ANAPC10: variants seen among roughly 807,000 people sequenced by gnomAD.
The protein encoded by ANAPC10 is anaphase promoting complex subunit 10.
ANAPC10 carries 12 observed loss-of-function variants against 22.0 expected under a neutral mutation model. That is an observed-to-expected ratio of 0.55 (90% confidence interval 0.35 to 0.88). The LOEUF (loss-of-function observed/expected upper bound fraction) is 0.88, where lower values mean the gene tolerates loss of function less well. ANAPC10 is among the 40% of genes least tolerant of loss of function. The pLI, the probability that ANAPC10 is intolerant of heterozygous loss-of-function variation, is 0.01. For synonymous variants in ANAPC10, 65 were observed against 69.5 expected (o/e 0.94, Z 0.32); for missense variants, 188 against 220.9 (o/e 0.85, Z 0.94).
rs375508323 is a variant in ANAPC10, at chr4:145,007,933, C to T, written c.328-12330G>A. On this transcript the variant is annotated intron_variant, in intron 4 of 4. Coordinates refer to ENST00000507656, the MANE Select transcript of ANAPC10 (RefSeq NM_001256706.2). ...GAAAAGATCAACAAAATTGATAGAC[C>T]GCTAGCAAGACTAATAAAGAAGAAA... Among the ~76,000 whole-genome samples, 147 of 149,650 alleles carry T rather than the reference C, an allele frequency of 9.8e-4. 2 individuals carry two copies. The East Asian group carries it at 0.018, about 18-fold the overall frequency.
At chr4:145,083,203 G>A (rs910538637) in intron 2 of ANAPC10, among the ~76,000 whole-genome samples, 1 of 151,938 alleles carries the variant, frequency 6.6e-6, no homozygotes, top group Non-Finnish European at 1.5e-5. Context: ...TGTGCCAGGC[G>A]CATTCTAAAC....
Position 145,093,297 on chromosome 4 carries a change from G to A in ANAPC10, c.115+2688C>T, listed in dbSNP as rs563856015. On this transcript the variant is annotated intron_variant, in intron 2 of 4. Transcript: ENST00000507656. The stretch of plus-strand genomic sequence containing the variant: ...CTGTGAGACACTGAAGGTAACCATA[G>A]CAATAACAAAACTCAAACTCAGCTC... Among the ~76,000 whole-genome samples the A allele has an allele frequency of 4.6e-5, 7 of 152,268 alleles. No homozygotes were observed. In the East Asian group the frequency reaches 1.2e-3, roughly 25 times the overall value.
intron 2 of ANAPC10, among the ~76,000 whole-genome samples, chr4:145,090,092 C>A (rs767586354): frequency 1.3e-5 from 2 of 152,102 alleles, no homozygotes; most frequent in Non-Finnish European, 2.9e-5. Flanking sequence ...AAGTTGTATA[C>A]CTCTGCACAT....
intron 4 of ANAPC10, among the ~76,000 whole-genome samples, chr4:145,032,076 C>T (rs927822948): frequency 2.6e-5 from 4 of 152,180 alleles, no homozygotes; most frequent in Admixed American, 2.6e-4. Flanking sequence ...CATCTCTCCC[C>T]CAGCCTGCAC....
chr4:145,081,127 GATA>G (rs1745952572), intron 3 of ANAPC10, among the ~76,000 whole-genome samples: 1 of 150,258 alleles, frequency 6.7e-6, no homozygotes, highest in South Asian at 2.1e-4. Flanking sequence ...TTAAAAATCT[GATA>G]ATAAATACAT....
intron 4 of ANAPC10, among the ~76,000 whole-genome samples, chr4:145,007,803 A>G (rs1231988743): frequency 6.6e-6 from 1 of 152,090 alleles, no homozygotes; most frequent in Non-Finnish European, 1.5e-5. Context: ...AGAAGCTAGC[A>G]GAAGGCAAGA....
chr4:145,055,840 C>T (rs1249413042), intron 4 of ANAPC10, among the ~76,000 whole-genome samples: 4 of 152,112 alleles, frequency 2.6e-5, no homozygotes, highest in Non-Finnish European at 4.4e-5. Context: ...GTATTCATAA[C>T]CACGTGAATA....
intron 4 of ANAPC10, among the ~76,000 whole-genome samples, chr4:144,997,225 G>A (rs1031996462): frequency 1.3e-5 from 2 of 152,092 alleles, no homozygotes; most frequent in African/African-American, 2.4e-5. Flanking sequence ...TTAAATTCAG[G>A]AAATACAGAG....
At chr4:145,046,434 CACAA>C (rs1395981488) in intron 4 of ANAPC10, among the ~76,000 whole-genome samples, 5 of 152,066 alleles carry the variant, frequency 3.3e-5, no homozygotes, top group South Asian at 2.1e-4. Flanking sequence ...ATTCCATAAG[CACAA>C]ACAATTTCAA....
At position 145,098,169 on chromosome 4, in the gene ANAPC10, G is replaced by A. The variant is rs769310336; in HGVS notation, c.-62C>T. On this transcript the variant is annotated 5_prime_UTR_variant, in exon 1 of 5. Coordinates refer to ENST00000507656, the MANE Select transcript of ANAPC10 (RefSeq NM_001256706.2). ...GAAACTCAGATTCTCGGCACCTCCAGCAGCTGGCTTCGCCAACGGCGTTGA... is the reference window on the plus strand; with the variant it reads ...GAAACTCAGATTCTCGGCACCTCCAACAGCTGGCTTCGCCAACGGCGTTGA... The A allele has an allele frequency of 2.0e-5, 3 of 152,660 alleles. No individual in the cohort carries two copies. The highest frequency in any genetic ancestry group is 2.9e-5 in the Non-Finnish European group (2 of 68,378). The allele number at this position is 152,660 out of a possible 1,614,324, so 9.5% of individuals were successfully genotyped here.
At chr4:145,078,209 G>A (rs1745460884) in intron 3 of ANAPC10, among the ~76,000 whole-genome samples, 1 of 151,478 alleles carries the variant, frequency 6.6e-6, no homozygotes, top group Non-Finnish European at 1.5e-5. Context: ...AAAATCAATA[G>A]CATTTCTATA....
chr4:145,038,265 C>A (rs375085916), intron 4 of ANAPC10, among the ~76,000 whole-genome samples: 65 of 152,284 alleles, frequency 4.3e-4, no homozygotes, highest in African/African-American at 1.5e-3. Context: ...ATAATCCTCG[C>A]ACTTTGGGAG....
At chr4:145,076,223 CTG>C (rs1210275848) in intron 3 of ANAPC10, among the ~76,000 whole-genome samples, 6 of 152,190 alleles carry the variant, frequency 3.9e-5, no homozygotes, top group Non-Finnish European at 5.9e-5. Flanking sequence ...ACTGGAAACA[CTG>C]TGGCCCCTCC....
At chr4:145,060,019 C>A (rs923582015) in intron 4 of ANAPC10, among the ~76,000 whole-genome samples, 29 of 152,068 alleles carry the variant, frequency 1.9e-4, no homozygotes, top group African/African-American at 6.8e-4. Context: ...AGTAACCCAA[C>A]TGAGATGAAG....
chr4:145,019,000 G>A lies in ANAPC10; in HGVS notation c.328-23397C>T, dbSNP rs115048927. ...AGATAGACAGCAACACCATAACAGT[G>A]GGGGACTTAAATACTCCACTGACAG... is the stretch of plus-strand genomic sequence containing the variant. On this transcript the variant is annotated intron_variant, in intron 4 of 4. Transcript: ENST00000507656. 3.8e-3 allele frequency among the ~76,000 whole-genome samples: 574 copies of A among 152,180 alleles called. 4 individuals are homozygous for A. Among genetic ancestry groups the A allele is most frequent in the African/African-American group, 0.013 (554 of 41,528 alleles).
chr4:145,062,504 G>A (rs1399772920), intron 4 of ANAPC10, among the ~76,000 whole-genome samples: 1 of 152,092 alleles, frequency 6.6e-6, no homozygotes, highest in Non-Finnish European at 1.5e-5. Flanking sequence ...CTACTCAAGA[G>A]GCTGAGGTTT....
chr4:145,038,480 T>A (rs956660769), intron 4 of ANAPC10, among the ~76,000 whole-genome samples: 38 of 151,666 alleles, frequency 2.5e-4, no homozygotes, highest in Middle Eastern at 6.8e-3. Flanking sequence ...GCCACTACAC[T>A]CCACCCTGGA....
chr4:145,058,593 C>A (rs2126412554), intron 4 of ANAPC10, among the ~76,000 whole-genome samples: 1 of 152,262 alleles, frequency 6.6e-6, no homozygotes, highest in Non-Finnish European at 1.5e-5. Flanking sequence ...GCATTATTCA[C>A]AGAATAAAGC....
chr4:145,069,904 TTTG>T lies in ANAPC10; in HGVS notation c.207-5215_207-5213del, dbSNP rs550376235. On this transcript the variant is annotated intron_variant, in intron 3 of 4. Coordinates refer to ENST00000507656, the MANE Select transcript of ANAPC10 (RefSeq NM_001256706.2). ...AAACAATGACACTCTTCTCACTATT[TTTG>T]TTGTTGTTCATTTGGGAAGAGACAG... is the stretch of plus-strand genomic sequence containing the variant. Among the ~76,000 whole-genome samples, 70 of 152,266 alleles carry T rather than the reference TTTG, an allele frequency of 4.6e-4. 1 individual carries two copies. The highest frequency in any genetic ancestry group is 1.9e-3 in the South Asian group (9 of 4,816).
Sources: allele counts gnomAD v4.1 joint callset (sites outside exome capture counted in the v4.1 genomes callset), GRCh38; gene constraint gnomAD v4.1.1; transcripts MANE v1.5; gene names NCBI Gene and HGNC (gene_info 2026-07-23, HGNC 2026-07-21).